Variants in CNGB1 observed in about 807,000 individuals in gnomAD.
CNGB1 encodes the protein cyclic nucleotide-gated channel beta-1.
A neutral mutation model predicts 151.7 loss-of-function variants in CNGB1; 126 were observed. The observed-to-expected ratio is 0.83, with a 90% CI of 0.72 to 0.96. The LOEUF (loss-of-function observed/expected upper bound fraction) is 0.96, where lower values mean the gene tolerates loss of function less well. Ranked by LOEUF, CNGB1 falls within the 40% of genes least tolerant of loss-of-function variation. CNGB1 has a pLI of 0.00. For synonymous variants in CNGB1, 623 were observed against 635.1 expected (o/e 0.98, Z 0.29); for missense variants, 1,698 against 1,627.0 (o/e 1.04, Z -0.75).
rs1362222953 is a variant in CNGB1 at position 57,917,201 on chromosome 16, G to T, written c.2166+67C>A. The T allele has an allele frequency of 2.2e-6, 3 of 1,346,666 alleles. No homozygotes were observed. In the Admixed American group the frequency reaches 5.7e-5, roughly 26 times the overall value. 83.4% of individuals were successfully genotyped at this position (1,346,666 alleles called of 1,614,324 possible). A position where few individuals can be genotyped will look rare whatever the true frequency, so the allele number is the denominator to read the frequency against. ...TCATCTATGACAGCATCAGGGGTCA[G>T]TGCCCTGGAGGCTCTGGCTGAGCGG... On this transcript the variant is annotated intron_variant, in intron 21 of 32. Transcript: ENST00000251102.
At position 57,960,202 on chromosome 16, in the gene CNGB1, A is replaced by G. The variant is rs369067164; in HGVS notation, c.584-137T>C. ...CTTTGGGACCACCTCACCCATCCCAATCCTCAAACAGACCAGACAGACAAG... is the reference window on the plus strand; with the variant it reads ...CTTTGGGACCACCTCACCCATCCCAGTCCTCAAACAGACCAGACAGACAAG... On this transcript the variant is annotated intron_variant, in intron 9 of 32. Coordinates refer to ENST00000251102, the MANE Select transcript of CNGB1 (RefSeq NM_001297.5). The G allele has an allele frequency of 6.1e-5, 89 of 1,453,598 alleles. No individual in the cohort carries two copies. In the African/African-American group the frequency reaches 1.1e-3, roughly 18 times the overall value. 90.0% of individuals were successfully genotyped at this position (1,453,598 alleles called of 1,614,324 possible).
Position 57,898,837 on chromosome 16 carries a change from G to C in CNGB1, c.2977-923C>G, listed in dbSNP as rs191073591. On this transcript the variant is annotated intron_variant, in intron 29 of 32. Transcript: ENST00000251102. ...GGTTCCAGAGTTCATGGTTGTTATG[G>C]GTTGAATTATGTACTCCCTCCCAAA... Among the ~76,000 whole-genome samples, 4 of 152,312 alleles carry C rather than the reference G, an allele frequency of 2.6e-5. No homozygotes were observed. The East Asian group carries it at 7.7e-4, about 29-fold the overall frequency.
At chr16:57,957,980 T>C (rs1403540583) in intron 11 of CNGB1, among the ~76,000 whole-genome samples, 1 of 152,152 alleles carries the variant, frequency 6.6e-6, no homozygotes, top group Non-Finnish European at 1.5e-5. Flanking sequence ...GTGACAGAGC[T>C]CATGAGCGCT....
At chr16:57,942,320 T>TAA (rs1178126074) in intron 14 of CNGB1, among the ~76,000 whole-genome samples, 1 of 150,798 alleles carries the variant, frequency 6.6e-6, no homozygotes, top group Non-Finnish European at 1.5e-5. Flanking sequence ...ATCTTATATA[T>TAA]AAAAAAAAAC....
Position 57,890,360 on chromosome 16 carries a change from C to A in CNGB1, c.3243-2286G>T, listed in dbSNP as rs190852441. 2.6e-3 allele frequency among the ~76,000 whole-genome samples: 400 copies of A among 152,304 alleles called. 2 individuals are homozygous for A. Among genetic ancestry groups the A allele is most frequent in the African/African-American group, 9.4e-3 (390 of 41,552 alleles). ...CAGACGCCTCTGACACGCGCCAGCT[C>A]GGCACTGTCCCCCATGTTATTTGAG... On this transcript the variant is annotated intron_variant, in intron 31 of 32. Coordinates refer to ENST00000251102, the MANE Select transcript of CNGB1 (RefSeq NM_001297.5).
intron 31 of CNGB1, 45 bp from the exon 32 acceptor site, chr16:57,888,119 G>A: frequency 6.3e-7 from 1 of 1,583,354 alleles, no homozygotes; most frequent in South Asian, 1.1e-5. Flanking sequence ...GCACTCTGGG[G>A]GAAAAGAAAG....
chr16:57,943,080 C>T (rs1961711891), intron 14 of CNGB1, among the ~76,000 whole-genome samples: 1 of 151,994 alleles, frequency 6.6e-6, no homozygotes, highest in African/African-American at 2.4e-5. Context: ...GCCAAGGAAA[C>T]AATCAACATA....
At chr16:57,898,680 T>TG (rs1960300610) in intron 29 of CNGB1, among the ~76,000 whole-genome samples, 1 of 152,124 alleles carries the variant, frequency 6.6e-6, no homozygotes, top group Admixed American at 6.6e-5. Context: ...CCTCCCAAAG[T>TG]GCTGGGATTA....
chr16:57,923,221 C>CCCA, intron 18 of CNGB1, 52 bp downstream of exon 18: 1 of 1,305,840 alleles, frequency 7.7e-7, no homozygotes, highest in Non-Finnish European at 1.1e-6. Context: ...CCCCCACATC[C>CCCA]CCCACCCTCC....
chr16:57,897,495 C>G lies in CNGB1; in HGVS notation c.3144G>C (p.Ala1048=), dbSNP rs1269039247. The change falls in exon 31 of 33, where the codon GCG becomes GCC. Residue 1048 remains alanine, a synonymous_variant. Transcript: ENST00000251102. ...GGATGAAGAGGTTGGTAAACCCGTG[C>G]GCCACCACGTTGGCCGTGCGCCGGT... The part of the protein sequence containing the change: ...GGNRRTANVV[A]HGFTNLFILD... The G allele has an allele frequency of 4.3e-6, 7 of 1,613,960 alleles. No individual in the cohort carries two copies. The Admixed American group carries it at 1.2e-4, about 27-fold the overall frequency.
chr16:57,960,024 C>T lies in CNGB1; in HGVS notation c.625G>A (p.Ala209Thr). Residue 209 changes from alanine to threonine, a missense_variant, in exon 10 of 33, where the codon GCC (alanine) becomes ACC (threonine). Ala to Thr is a moderately conservative substitution (Grantham distance 58). Transcript: ENST00000251102. ...RPQEMGPKLQ[A>T]RETPSLPTPI... is the part of the protein sequence containing the mutation. ...GTGGGCAGGGAGGGGGTCTCCCGGG[C>T]CTGCAGCTTGGGCCCCATTTCCTGG... The T allele has an allele frequency of 6.4e-7, 1 of 1,572,668 alleles. No homozygotes were observed. Among genetic ancestry groups the T allele is most frequent in the Non-Finnish European group, 8.6e-7 (1 of 1,161,492 alleles).
chr16:57,955,168 G>A lies in CNGB1; in HGVS notation c.874+2173C>T, dbSNP rs1177832380. Reference sequence around the variant, plus strand: ...GGGAGGCTCTGGGGCTGGTGCAGGTGACTCTGGCTCCCCTTGTCCTGCCTG... The same window carrying A: ...GGGAGGCTCTGGGGCTGGTGCAGGTAACTCTGGCTCCCCTTGTCCTGCCTG... On this transcript the variant is annotated intron_variant, in intron 12 of 32. Transcript: ENST00000251102. The A allele has an allele frequency of 4.7e-6, 7 of 1,498,280 alleles. No individual in the cohort carries two copies. The African/African-American group carries it at 6.9e-5, about 15-fold the overall frequency. 92.8% of individuals were successfully genotyped at this position (1,498,280 alleles called of 1,614,324 possible).
intron 1 of CNGB1, among the ~76,000 whole-genome samples, chr16:57,968,100 G>C (rs1962445801): frequency 6.6e-6 from 1 of 152,234 alleles, no homozygotes; most frequent in African/African-American, 2.4e-5. Context: ...GTCATGAGCA[G>C]ATCAGTTAAT....
At chr16:57,895,400 C>T (rs1960194472) in intron 31 of CNGB1, among the ~76,000 whole-genome samples, 2 of 148,352 alleles carry the variant, frequency 1.3e-5, no homozygotes, top group Admixed American at 6.7e-5. Context: ...GAAACTCCGT[C>T]TCAAAAAAAA....
At position 57,920,455 on chromosome 16, in the gene CNGB1, C is replaced by T. The variant is rs371998765; in HGVS notation, c.1733G>A (p.Arg578Gln). ...GAGTTTCTCCTTCACTTTCTCTGTCCGCTCCTTGAAGAGCTTCACCAGCTC... is the reference window on the plus strand; with the variant it reads ...GAGTTTCTCCTTCACTTTCTCTGTCTGCTCCTTGAAGAGCTTCACCAGCTC... The part of the protein sequence containing the change: ...LQELVKLFKE[R>Q]TEKVKEKLID... The change falls in exon 19 of 33, where the codon CGG (arginine) becomes CAG (glutamine). Residue 578 changes from arginine to glutamine, a missense_variant. Coordinates refer to ENST00000251102, the MANE Select transcript of CNGB1 (RefSeq NM_001297.5). The T allele has an allele frequency of 2.0e-5, 32 of 1,614,184 alleles. No homozygotes were observed. Among genetic ancestry groups the T allele is most frequent in the African/African-American group, 1.5e-4 (11 of 75,058 alleles).
In CNGB1 at chr16:57,883,080, C is replaced by G. The variant is rs1441590366; in HGVS notation, c.*1084G>C. ...CCTGGCCAGTAAGTCCATTTCCCTT[C>G]TATCTGTTCTGAGATAATGGCATTG... On this transcript the variant is annotated 3_prime_UTR_variant, in exon 33 of 33. Transcript: ENST00000251102. The G allele has an allele frequency of 6.6e-6, 1 of 152,216 alleles. No homozygotes were observed. Among genetic ancestry groups the G allele is most frequent in the Non-Finnish European group, 1.5e-5 (1 of 68,056 alleles). The allele number at this position is 152,216 out of a possible 1,614,324, so 9.4% of individuals were successfully genotyped here.
intron 19 of CNGB1, among the ~76,000 whole-genome samples, chr16:57,919,808 T>C (rs1354567633): frequency 2.0e-5 from 3 of 152,152 alleles, no homozygotes; most frequent in Non-Finnish European, 2.9e-5. Context: ...ATAGGTTCAA[T>C]ATGGCTATGT....
At chr16:57,933,147 C>T (rs867090497) in intron 16 of CNGB1, among the ~76,000 whole-genome samples, 8 of 152,006 alleles carry the variant, frequency 5.3e-5, no homozygotes, top group Admixed American at 2.0e-4. Flanking sequence ...AGGCTGGTCT[C>T]GAACTCCTGA....
At chr16:57,969,826 A>G (rs1031477841) in intron 1 of CNGB1, among the ~76,000 whole-genome samples, 2 of 152,196 alleles carry the variant, frequency 1.3e-5, no homozygotes, top group East Asian at 1.9e-4. Context: ...CGTGCAGGTC[A>G]GTGTGTGCTA....
Sources: allele counts gnomAD v4.1 joint callset (sites outside exome capture counted in the v4.1 genomes callset), GRCh38; gene constraint gnomAD v4.1.1; transcripts MANE v1.5; gene names NCBI Gene and HGNC (gene_info 2026-07-23, HGNC 2026-07-21).